Variants in THSD4 observed in about 807,000 individuals in gnomAD.
THSD4 encodes thrombospondin type 1 domain containing 4.
A neutral mutation model predicts 119.0 loss-of-function variants in THSD4; 69 were observed. That is an observed-to-expected ratio of 0.58 (90% CI 0.48 to 0.71). THSD4 has a LOEUF of 0.71. THSD4 is among the 30% of genes least tolerant of loss of function. THSD4 has a pLI of 0.00. For missense variants in THSD4, 1,393 were observed against 1,391.1 expected (o/e 1.00, Z -0.02); for synonymous variants, 524 against 540.4 (o/e 0.97, Z 0.42).
At chr15:71,334,072 C>T (rs1173167033) in intron 6 of THSD4, among the ~76,000 whole-genome samples, 3 of 152,138 alleles carry the variant, frequency 2.0e-5, no homozygotes, top group Admixed American at 6.5e-5. Context: ...TCTAAAGAAA[C>T]ATTGTTTTTA....
At chr15:71,709,353 G>A (rs1184833049) in intron 8 of THSD4, among the ~76,000 whole-genome samples, 2 of 152,120 alleles carry the variant, frequency 1.3e-5, no homozygotes, top group African/African-American at 4.8e-5. Context: ...AGCAGCACCT[G>A]TGTGAAAAAA....
intron 8 of THSD4, among the ~76,000 whole-genome samples, chr15:71,700,992 C>G (rs1354577508): frequency 2.0e-5 from 3 of 152,008 alleles, no homozygotes; most frequent in Non-Finnish European, 4.4e-5. Context: ...AAGAACTAAA[C>G]TCTTTTGGCC....
intron 15 of THSD4, among the ~76,000 whole-genome samples, chr15:71,759,176 C>T (rs923017189): frequency 6.6e-6 from 1 of 152,192 alleles, no homozygotes; most frequent in Non-Finnish European, 1.5e-5. Context: ...ATCTCTGCCA[C>T]TTCAATGTAG....
chr15:71,321,048 A>G (rs1336014688), intron 6 of THSD4, among the ~76,000 whole-genome samples: 1 of 152,254 alleles, frequency 6.6e-6, no homozygotes, highest in Admixed American at 6.5e-5. Flanking sequence ...TGTGAAGATT[A>G]GAACTGCTGT....
intron 6 of THSD4, among the ~76,000 whole-genome samples, chr15:71,375,374 C>T (rs1161841163): frequency 6.6e-6 from 1 of 152,182 alleles, no homozygotes. Context: ...TTCTGACCTT[C>T]CAAGACCGAG....
In THSD4 at chr15:71,379,761, A is replaced by T. The variant is rs144048705; in HGVS notation, c.1016-31926A>T. ...GCGTGAGCCACCGCGCCCGGCCACAAATGGCTTCTTTACACATGTATGTGT... is the reference window on the plus strand; with the variant it reads ...GCGTGAGCCACCGCGCCCGGCCACATATGGCTTCTTTACACATGTATGTGT... On this transcript the variant is annotated intron_variant, in intron 6 of 17. Coordinates refer to ENST00000261862, the MANE Select transcript of THSD4 (RefSeq NM_024817.3). 2.6e-5 allele frequency among the ~76,000 whole-genome samples: 4 copies of T among 152,062 alleles called. No individual in the cohort carries two copies. In the East Asian group the frequency reaches 7.7e-4, roughly 29 times the overall value.
chr15:71,265,675 C>G (rs1000976936), intron 6 of THSD4, among the ~76,000 whole-genome samples: 1 of 152,178 alleles, frequency 6.6e-6, no homozygotes, highest in Non-Finnish European at 1.5e-5. Context: ...GGTCCCACCC[C>G]CACGGAGCCC....
chr15:71,533,151 G>C (rs1462182352), intron 7 of THSD4, among the ~76,000 whole-genome samples: 1 of 152,180 alleles, frequency 6.6e-6, no homozygotes, highest in Non-Finnish European at 1.5e-5. Context: ...GGTTGCCCGT[G>C]GGGCAAATCC....
chr15:71,190,050 C>T (rs766878025), intron 3 of THSD4, among the ~76,000 whole-genome samples: 3 of 152,146 alleles, frequency 2.0e-5, no homozygotes, highest in Non-Finnish European at 2.9e-5. Context: ...GAGCTAGACC[C>T]GGGATGGCTA....
chr15:71,654,432 A>G (rs2051149888), intron 7 of THSD4, among the ~76,000 whole-genome samples: 1 of 152,190 alleles, frequency 6.6e-6, no homozygotes, highest in Non-Finnish European at 1.5e-5. Context: ...AACATTTAGG[A>G]TGTTTCCAAT....
chr15:71,345,609 T>C (rs1006103433), intron 6 of THSD4, among the ~76,000 whole-genome samples: 5 of 152,126 alleles, frequency 3.3e-5, no homozygotes, highest in African/African-American at 1.2e-4. Flanking sequence ...GGCTTTTCCC[T>C]ATTTGCAAAA....
At chr15:71,772,938 A>G (rs182383484) in intron 17 of THSD4, among the ~76,000 whole-genome samples, 5 of 152,322 alleles carry the variant, frequency 3.3e-5, no homozygotes, top group East Asian at 1.9e-4. Context: ...GCTGGATGCA[A>G]TGGCTCACAC....
intron 7 of THSD4, among the ~76,000 whole-genome samples, chr15:71,460,240 C>T (rs1355027039): frequency 6.6e-6 from 1 of 151,252 alleles, no homozygotes; most frequent in Non-Finnish European, 1.5e-5. Flanking sequence ...AGAAATTAAT[C>T]ACTTACCAGC....
chr15:71,427,406 A>C lies in THSD4; in HGVS notation c.1152+15583A>C, dbSNP rs140271948. 3.9e-3 allele frequency among the ~76,000 whole-genome samples: 599 copies of C among 152,052 alleles called. 1 individual carries two copies. The highest frequency in any genetic ancestry group is 0.014 in the African/African-American group (566 of 41,446). On this transcript the variant is annotated intron_variant, in intron 7 of 17. Coordinates refer to ENST00000261862, the MANE Select transcript of THSD4 (RefSeq NM_024817.3). ...TGAAGCATTCAGATGCATTCAACAA[A>C]TATTATGATGAATGCTGTTGATGAA... is the stretch of plus-strand genomic sequence containing the variant.
chr15:71,532,223 C>T (rs1296893888), intron 7 of THSD4, among the ~76,000 whole-genome samples: 2 of 149,286 alleles, frequency 1.3e-5, no homozygotes, highest in Non-Finnish European at 3.0e-5. Context: ...GTCAGCAATG[C>T]CAACACTAAA....
intron 6 of THSD4, among the ~76,000 whole-genome samples, chr15:71,303,612 T>C (rs2044982204): frequency 6.6e-6 from 1 of 152,162 alleles, no homozygotes; most frequent in Admixed American, 6.5e-5. Context: ...AATCTTCTCT[T>C]TCCAGTTTTC....
At chr15:71,389,360 C>T (rs7162539) in intron 6 of THSD4, among the ~76,000 whole-genome samples, 20 of 152,162 alleles carry the variant, frequency 1.3e-4, no homozygotes, top group South Asian at 4.1e-4. Context: ...TAGGTACCTC[C>T]GAGCAGCAGA....
At chr15:71,259,108 C>T (rs890600384) in intron 6 of THSD4, among the ~76,000 whole-genome samples, 12 of 150,482 alleles carry the variant, frequency 8.0e-5, no homozygotes, top group Admixed American at 3.3e-4. Flanking sequence ...AGTGCAACTC[C>T]GTCTCAAAAA....
At chr15:71,548,606 G>A (rs2048876869) in intron 7 of THSD4, among the ~76,000 whole-genome samples, 1 of 152,216 alleles carries the variant, frequency 6.6e-6, no homozygotes, top group African/African-American at 2.4e-5. Context: ...AGTTACTCAT[G>A]TCCTCTGCTC....
Sources: gnomAD v4.1 joint callset for allele counts (sites outside exome capture counted in the v4.1 genomes callset) on GRCh38, gnomAD v4.1.1 for gene constraint, MANE v1.5 for transcripts, NCBI Gene and HGNC (gene_info 2026-07-23, HGNC 2026-07-21) for gene names.